Variants in LRRC7 observed in about 807,000 individuals in gnomAD.
LRRC7 encodes the protein leucine rich repeat containing 7, also known as leucine-rich repeat-containing protein 7.
Under a neutral mutation model 175.7 loss-of-function variants are expected in LRRC7, and 23 were observed. The observed-to-expected ratio is 0.13, with a 90% CI of 0.09 to 0.19. The LOEUF (loss-of-function observed/expected upper bound fraction) is 0.19, where lower values mean the gene tolerates loss of function less well. LRRC7 is among the 10% of genes least tolerant of loss of function. LRRC7 has a pLI of 1.00. For missense variants in LRRC7, 1,354 were observed against 1,904.7 expected, an observed-to-expected ratio of 0.71 and a Z score of 5.38; for synonymous variants, 685 against 680.9, an observed-to-expected ratio of 1.01 and a Z score of -0.09.
chr1:69,750,177 A>T (rs913758197), intron 2 of LRRC7, among the ~76,000 whole-genome samples: 5 of 152,028 alleles, frequency 3.3e-5, no homozygotes, highest in Non-Finnish European at 5.9e-5. Flanking sequence ...AAAGTGGGTA[A>T]TTCAGAATAC....
chr1:69,631,375 CA>C (rs752358267), intron 1 of LRRC7, among the ~76,000 whole-genome samples: 1 of 152,084 alleles, frequency 6.6e-6, no homozygotes, highest in African/African-American at 2.4e-5. Flanking sequence ...GCCTTGAACT[CA>C]AATCATCTCA....
intron 2 of LRRC7, among the ~76,000 whole-genome samples, chr1:69,757,084 G>A (rs1364519205): frequency 3.3e-5 from 5 of 152,082 alleles, no homozygotes; most frequent in Middle Eastern, 3.4e-3. Context: ...AGTCATCAAT[G>A]AAAGAATGGG....
intron 1 of LRRC7, among the ~76,000 whole-genome samples, chr1:69,631,283 A>T (rs1652451835): frequency 6.6e-6 from 1 of 151,430 alleles, no homozygotes; most frequent in South Asian, 2.1e-4. Flanking sequence ...TTTCTATGAA[A>T]TTTTTTTTTC....
At chr1:69,816,371 G>A (rs1022157180) in intron 4 of LRRC7, among the ~76,000 whole-genome samples, 3 of 152,104 alleles carry the variant, frequency 2.0e-5, no homozygotes, top group Admixed American at 6.5e-5. Context: ...TCTTAAAAAC[G>A]TATCACCTTG....
chr1:69,771,009 C>T lies in LRRC7; in HGVS notation c.303+10616C>T, dbSNP rs557535144. On this transcript the variant is annotated intron_variant, in intron 3 of 26. Transcript: ENST00000651989. The stretch of plus-strand genomic sequence containing the variant: ...CTAACAAGGCTGCATGATTTTGTCC[C>T]CCAGCGCCAAATGTATACAATTTTT... 2.2e-4 allele frequency among the ~76,000 whole-genome samples: 33 copies of T among 152,220 alleles called. No individual in the cohort carries two copies. The South Asian group carries it at 5.6e-3, about 26-fold the overall frequency.
chr1:69,641,840 A>G (rs1654263017), intron 1 of LRRC7, among the ~76,000 whole-genome samples: 1 of 151,822 alleles, frequency 6.6e-6, no homozygotes. Flanking sequence ...TTAAAACTGT[A>G]TGGTGACATA....
intron 7 of LRRC7, among the ~76,000 whole-genome samples, chr1:69,842,825 A>G (rs1052846214): frequency 6.6e-6 from 1 of 152,130 alleles, no homozygotes; most frequent in East Asian, 1.9e-4. Flanking sequence ...TATATGAATA[A>G]CCTATTGTGA....
In LRRC7 at chr1:69,693,756, A is replaced by G. The variant is rs533323989; in HGVS notation, c.100+15278A>G. 1.2e-4 allele frequency among the ~76,000 whole-genome samples: 18 copies of G among 152,274 alleles called. No homozygotes were observed. The South Asian group carries it at 2.5e-3, about 21-fold the overall frequency. On this transcript the variant is annotated intron_variant, in intron 2 of 26. Transcript: ENST00000651989. ...AGCATCACAAGTGTCTTTTATTTTT[A>G]TTTCCTAAATCTGACAACTCTATTT...
At chr1:70,035,661 G>A (rs1191020207) in intron 18 of LRRC7, among the ~76,000 whole-genome samples, 2 of 150,468 alleles carry the variant, frequency 1.3e-5, no homozygotes, top group African/African-American at 4.9e-5. Flanking sequence ...TAATTGGTCA[G>A]TGATATACTT....
intron 1 of LRRC7, among the ~76,000 whole-genome samples, chr1:69,664,467 T>G (rs1324264653): frequency 6.6e-6 from 1 of 152,152 alleles, no homozygotes; most frequent in Admixed American, 6.5e-5. Context: ...TCGCCAGCAT[T>G]TGTTATTTCC....
chr1:69,720,727 T>C (rs1489701059), intron 2 of LRRC7, among the ~76,000 whole-genome samples: 1 of 151,838 alleles, frequency 6.6e-6, no homozygotes, highest in Non-Finnish European at 1.5e-5. Context: ...CATTCCATTG[T>C]CTTCTAGCTT....
chr1:69,592,483 T>C (rs976383282), intron 1 of LRRC7, among the ~76,000 whole-genome samples: 3 of 152,112 alleles, frequency 2.0e-5, no homozygotes, highest in Non-Finnish European at 4.4e-5. Flanking sequence ...CTTTAAGTCG[T>C]TACATTAAAA....
intron 13 of LRRC7, among the ~76,000 whole-genome samples, chr1:70,015,483 T>G (rs1656886950): frequency 6.6e-6 from 1 of 152,122 alleles, no homozygotes; most frequent in African/African-American, 2.4e-5. Flanking sequence ...TTTCATTCTA[T>G]ATTATATCTA....
intron 2 of LRRC7, among the ~76,000 whole-genome samples, chr1:69,703,819 C>T (rs1196319591): frequency 6.6e-6 from 1 of 151,914 alleles, no homozygotes; most frequent in Non-Finnish European, 1.5e-5. Flanking sequence ...AGAATATCAA[C>T]AAGAAAGTAT....
intron 2 of LRRC7, among the ~76,000 whole-genome samples, chr1:69,681,406 G>T (rs527638032): frequency 6.6e-6 from 1 of 152,084 alleles, no homozygotes; most frequent in Non-Finnish European, 1.5e-5. Context: ...TACTGTATAC[G>T]GGAAGGTTTT....
intron 1 of LRRC7, 102 bp downstream of exon 1, chr1:69,568,743 C>A: frequency 6.6e-6 from 2 of 303,548 alleles, no homozygotes; most frequent in Non-Finnish European, 1.1e-5. Flanking sequence ...CGGCCGGGGG[C>A]GGGGGTGGCA....
intron 4 of LRRC7, among the ~76,000 whole-genome samples, chr1:69,824,439 A>G (rs1482576682): frequency 6.6e-6 from 1 of 152,154 alleles, no homozygotes; most frequent in Non-Finnish European, 1.5e-5. Flanking sequence ...AAATTCATAC[A>G]CAATGGAGCT....
intron 4 of LRRC7, among the ~76,000 whole-genome samples, chr1:69,810,766 A>AAACTGAAATTGGATCCTTTCCTTGCACC (rs1677745634): frequency 6.6e-6 from 1 of 152,232 alleles, no homozygotes; most frequent in African/African-American, 2.4e-5. Context: ...TTACACAAAA[A>AAACTGAAATTGGATCCTTTCCTTGCACC]TTAACTCAGG....
intron 11 of LRRC7, among the ~76,000 whole-genome samples, chr1:70,002,975 C>T (rs1205528907): frequency 6.6e-6 from 1 of 152,110 alleles, no homozygotes; most frequent in Non-Finnish European, 1.5e-5. Context: ...TCTGCTCCGG[C>T]TAACATAACA....
Sources: allele counts gnomAD v4.1 joint callset (sites outside exome capture counted in the v4.1 genomes callset), GRCh38; gene constraint gnomAD v4.1.1; transcripts MANE v1.5; gene names NCBI Gene and HGNC (gene_info 2026-07-23, HGNC 2026-07-21).